KLHDC1: variants seen among roughly 807,000 people sequenced by gnomAD.
The protein encoded by KLHDC1 is kelch domain-containing protein 1.
KLHDC1 carries 53 observed loss-of-function variants against 68.3 expected under a neutral mutation model. That is an observed-to-expected ratio of 0.78 (90% CI 0.62 to 0.98). The LOEUF (loss-of-function observed/expected upper bound fraction) is 0.98. Among genes scored for constraint, KLHDC1 ranks in the 50% least tolerant of loss-of-function variants. The probability of loss-of-function intolerance (pLI) is 0.00; values close to 1 mark genes in which losing one functional copy is unlikely to be tolerated. For synonymous variants in KLHDC1, 148 were observed against 159.0 expected, an observed-to-expected ratio of 0.93 and a Z score of 0.52; for missense variants, 470 against 492.3, an observed-to-expected ratio of 0.95 and a Z score of 0.43.
intron 5 of KLHDC1, 41 bp from the exon 6 acceptor site, chr14:49,725,645 A>G (rs1288235612): frequency 3.9e-6 from 4 of 1,037,088 alleles, no homozygotes; most frequent in Non-Finnish European, 5.8e-6. Context: ...TAATGTAAAA[A>G]TTATTAAAGC....
At chr14:49,712,705 A>G (rs1208148521) in intron 4 of KLHDC1, among the ~76,000 whole-genome samples, 3 of 151,628 alleles carry the variant, frequency 2.0e-5, no homozygotes, top group East Asian at 2.0e-4. Flanking sequence ...AGGTTTCACT[A>G]TATTGGCCAG....
rs1888279877 is a variant in KLHDC1, at chr14:49,713,819, TA to T, written c.404+3439del. Among the ~76,000 whole-genome samples the T allele has an allele frequency of 7.5e-3, 21 of 2,812 alleles. 1 individual carries two copies. Among genetic ancestry groups the T allele is most frequent in the South Asian group, 0.031 (3 of 98 alleles). 1.8% of individuals were successfully genotyped at this position (2,812 alleles called of 152,430 possible). ...GGAGGTATATATATATATATATATA[TA>T]TATATATATATATATATATATATAT... On this transcript the variant is annotated intron_variant, in intron 4 of 12. Coordinates refer to ENST00000359332, the MANE Select transcript of KLHDC1 (RefSeq NM_172193.3).
At chr14:49,711,803 A>C (rs1888207353) in intron 4 of KLHDC1, among the ~76,000 whole-genome samples, 1 of 151,274 alleles carries the variant, frequency 6.6e-6, no homozygotes, top group Non-Finnish European at 1.5e-5. Flanking sequence ...TCCAGTTTTC[A>C]GATTTGCTTG....
intron 1 of KLHDC1, among the ~76,000 whole-genome samples, chr14:49,695,116 A>ATGTGTGTG (rs71115393): frequency 0.18 from 26,051 of 141,766 alleles, 2,788 homozygotes; most frequent in East Asian, 0.49. Flanking sequence ...TGCAGTTTTG[A>ATGTGTGTG]TGTGTGTGTG....
chr14:49,695,660 A>G (rs930489717), intron 1 of KLHDC1, among the ~76,000 whole-genome samples: 2 of 152,220 alleles, frequency 1.3e-5, no homozygotes, highest in African/African-American at 4.8e-5. Context: ...TACATTAGCC[A>G]CTAACAAGAG....
chr14:49,714,028 G>C (rs1479319183), intron 4 of KLHDC1, among the ~76,000 whole-genome samples: 8 of 147,402 alleles, frequency 5.4e-5, no homozygotes, highest in African/African-American at 2.0e-4. Context: ...TGTATTTTTA[G>C]TAGAAACAGG....
chr14:49,743,680 TAAG>T, intron 11 of KLHDC1, 70 bp from the exon 12 acceptor site: 2 of 879,478 alleles, frequency 2.3e-6, no homozygotes, highest in Non-Finnish European at 3.6e-6. Flanking sequence ...TTTATAAAAT[TAAG>T]AAACATTCAA....
chr14:49,702,060 C>T (rs1046501392), intron 1 of KLHDC1, among the ~76,000 whole-genome samples: 1 of 150,644 alleles, frequency 6.6e-6, no homozygotes, highest in East Asian at 2.0e-4. Context: ...CCCAGCTACT[C>T]GGGAGGCTGA....
At chr14:49,716,675 C>T (rs865780122) in intron 4 of KLHDC1, among the ~76,000 whole-genome samples, 12 of 152,138 alleles carry the variant, frequency 7.9e-5, no homozygotes, top group African/African-American at 2.7e-4. Context: ...TGAGATACCA[C>T]GCCCGGCTTG....
intron 1 of KLHDC1, among the ~76,000 whole-genome samples, chr14:49,693,836 C>T (rs1057343700): frequency 2.0e-5 from 3 of 146,478 alleles, no homozygotes; most frequent in Non-Finnish European, 3.0e-5. Flanking sequence ...GCAACCTCCG[C>T]CCCCCGCCCC....
intron 1 of KLHDC1, among the ~76,000 whole-genome samples, chr14:49,696,558 C>T (rs905583586): frequency 2.3e-4 from 35 of 152,142 alleles, no homozygotes; most frequent in African/African-American, 8.4e-4. Flanking sequence ...TGCAGTTTCT[C>T]AATTCTCTCA....
intron 12 of KLHDC1, among the ~76,000 whole-genome samples, chr14:49,744,113 C>A (rs1486370208): frequency 1.4e-5 from 1 of 71,636 alleles, no homozygotes; most frequent in Non-Finnish European, 3.5e-5. Context: ...GTGAAACCCA[C>A]GACTCTACAA....
intron 1 of KLHDC1, among the ~76,000 whole-genome samples, chr14:49,702,084 C>G (rs574384308): frequency 6.6e-6 from 1 of 150,980 alleles, no homozygotes; most frequent in Non-Finnish European, 1.5e-5. Flanking sequence ...AGGATAATCG[C>G]TTGAACCTGG....
chr14:49,709,070 T>C (rs1888131931), intron 1 of KLHDC1, 89 bp from the exon 2 acceptor site: 2 of 626,196 alleles, frequency 3.2e-6, no homozygotes, highest in Admixed American at 3.3e-5. Context: ...TTTATAGTAT[T>C]TTATTAGCAA....
chr14:49,745,985 G>T (rs769518483), intron 12 of KLHDC1, among the ~76,000 whole-genome samples: 32 of 152,156 alleles, frequency 2.1e-4, no homozygotes, highest in Non-Finnish European at 4.0e-4. Context: ...AAGAAAATTG[G>T]TAAAGAGACT....
At chr14:49,708,765 A>G (rs189606459) in intron 1 of KLHDC1, 213 of 153,780 alleles carry the variant, frequency 1.4e-3, no homozygotes, top group Admixed American at 2.7e-3. Context: ...CTCCATTAAT[A>G]CTTCCTGTCA....
At chr14:49,705,626 C>A (rs1487928006) in intron 1 of KLHDC1, among the ~76,000 whole-genome samples, 2 of 151,950 alleles carry the variant, frequency 1.3e-5, no homozygotes, top group Non-Finnish European at 2.9e-5. Context: ...GCCTCAGCCT[C>A]CCAAAGTGCT....
intron 10 of KLHDC1, among the ~76,000 whole-genome samples, chr14:49,738,789 G>C (rs1025088080): frequency 2.0e-5 from 3 of 152,256 alleles, no homozygotes; most frequent in Non-Finnish European, 4.4e-5. Flanking sequence ...ACTCTCCAGA[G>C]TGGGAGGATG....
chr14:49,724,826 TA>T (rs142183462), intron 5 of KLHDC1, among the ~76,000 whole-genome samples: 1 of 138,664 alleles, frequency 7.2e-6, no homozygotes, highest in Non-Finnish European at 1.6e-5. Context: ...ACACAAATGG[TA>T]TTTTTTTTTT....
Sources: allele counts gnomAD v4.1 joint callset (sites outside exome capture counted in the v4.1 genomes callset), GRCh38; gene constraint gnomAD v4.1.1; transcripts MANE v1.5; gene names NCBI Gene and HGNC (gene_info 2026-07-23, HGNC 2026-07-21).